CACNB2: variants seen among roughly 807,000 people sequenced by gnomAD.
The protein encoded by CACNB2 is calcium voltage-gated channel auxiliary subunit beta 2, also known as voltage-dependent L-type calcium channel subunit beta-2.
CACNB2 carries 42 observed loss-of-function variants against 73.3 expected under a neutral mutation model. The ratio of observed to expected loss-of-function variants is 0.57; its 90% confidence interval spans 0.45 to 0.74. The LOEUF is 0.74. Ranked by LOEUF, CACNB2 falls within the 30% of genes least tolerant of loss-of-function variation. CACNB2 has a pLI of 0.00. For synonymous variants in CACNB2, 348 were observed against 310.3 expected, an observed-to-expected ratio of 1.12 and a Z score of -1.28; for missense variants, 940 against 853.0, an observed-to-expected ratio of 1.10 and a Z score of -1.27.
At chr10:18,215,599 A>C (rs1364928117) in intron 2 of CACNB2, among the ~76,000 whole-genome samples, 2 of 152,196 alleles carry the variant, frequency 1.3e-5, no homozygotes, top group Admixed American at 1.3e-4. Context: ...AAAACTCGCC[A>C]AACTCTTTTA....
chr10:18,388,893 C>T lies in CACNB2; in HGVS notation c.214-13031C>T, dbSNP rs538624046. Reference sequence around the variant, plus strand: ...TTTTTCATGTGCATAAAGAGGCTTTCAGGAGACCTGGTCCTTGCCTCCCTT... The same window carrying T: ...TTTTTCATGTGCATAAAGAGGCTTTTAGGAGACCTGGTCCTTGCCTCCCTT... On this transcript the variant is annotated intron_variant, in intron 2 of 13. Transcript: ENST00000324631. Among the ~76,000 whole-genome samples the T allele has an allele frequency of 6.6e-5, 10 of 152,280 alleles. No homozygotes were observed. In the South Asian group the frequency reaches 8.3e-4, roughly 13 times the overall value.
intron 2 of CACNB2, among the ~76,000 whole-genome samples, chr10:18,166,705 G>A (rs2032878470): frequency 1.3e-5 from 2 of 152,136 alleles, no homozygotes. Flanking sequence ...CTCTAGAATG[G>A]AGACAGGAGA....
intron 2 of CACNB2, among the ~76,000 whole-genome samples, chr10:18,195,796 A>G (rs987768021): frequency 6.6e-6 from 1 of 152,212 alleles, no homozygotes; most frequent in Admixed American, 6.5e-5. Context: ...CAGAAGAAGA[A>G]AAAAAGCAGT....
At chr10:18,438,881 T>G (rs1161228676) in intron 3 of CACNB2, among the ~76,000 whole-genome samples, 1 of 152,222 alleles carries the variant, frequency 6.6e-6, no homozygotes, top group African/African-American at 2.4e-5. Flanking sequence ...CCCATGTGAG[T>G]GTGCTATAAA....
chr10:18,392,014 A>G (rs569313822), intron 2 of CACNB2, among the ~76,000 whole-genome samples: 7 of 152,216 alleles, frequency 4.6e-5, no homozygotes, highest in Admixed American at 3.9e-4. Flanking sequence ...GCTGCAATCA[A>G]TGGGGGTTAC....
At chr10:18,243,086 A>G (rs2036727371) in intron 2 of CACNB2, among the ~76,000 whole-genome samples, 1 of 152,068 alleles carries the variant, frequency 6.6e-6, no homozygotes, top group Non-Finnish European at 1.5e-5. Flanking sequence ...TTTATTTGAT[A>G]CTTTCTAAGT....
intron 6 of CACNB2, among the ~76,000 whole-genome samples, chr10:18,510,475 G>C (rs1281670458): frequency 1.3e-5 from 2 of 152,054 alleles, no homozygotes; most frequent in East Asian, 1.9e-4. Context: ...GCTAATCTTT[G>C]TATTGTTAGT....
intron 3 of CACNB2, among the ~76,000 whole-genome samples, chr10:18,481,218 A>T (rs1564599611): frequency 3.2e-4 from 4 of 12,500 alleles, no homozygotes; most frequent in African/African-American, 3.2e-4. Flanking sequence ...ATATATATAT[A>T]TATATATATA....
intron 5 of CACNB2, among the ~76,000 whole-genome samples, chr10:18,505,969 CA>C (rs1262721023): frequency 6.6e-6 from 1 of 152,098 alleles, no homozygotes; most frequent in African/African-American, 2.4e-5. Flanking sequence ...TAGTGGTTGG[CA>C]AGTTTTCATA....
chr10:18,491,414 T>C (rs1294575551), intron 3 of CACNB2, among the ~76,000 whole-genome samples: 3 of 152,112 alleles, frequency 2.0e-5, no homozygotes, highest in Non-Finnish European at 4.4e-5. Flanking sequence ...CGAGACCTCA[T>C]CTCTTCAAAA....
intron 3 of CACNB2, among the ~76,000 whole-genome samples, chr10:18,441,772 C>G (rs1314453638): frequency 6.6e-6 from 1 of 152,002 alleles, no homozygotes; most frequent in African/African-American, 2.4e-5. Context: ...GTAGCTGGGA[C>G]TATAGGCATG....
intron 2 of CACNB2, among the ~76,000 whole-genome samples, chr10:18,363,415 A>G (rs902227805): frequency 1.3e-5 from 2 of 152,166 alleles, no homozygotes; most frequent in East Asian, 1.9e-4. Context: ...CTGTCGCCCC[A>G]TGGGGCCTTC....
At chr10:18,503,003 G>T (rs941899929) in intron 5 of CACNB2, among the ~76,000 whole-genome samples, 1 of 151,978 alleles carries the variant, frequency 6.6e-6, no homozygotes, top group Admixed American at 6.6e-5. Context: ...AACCCTCTTA[G>T]GATTAAAATA....
chr10:18,145,894 T>A (rs527288423), intron 1 of CACNB2, among the ~76,000 whole-genome samples: 1 of 152,298 alleles, frequency 6.6e-6, no homozygotes, highest in East Asian at 1.9e-4. Context: ...TGTTCCTGGC[T>A]TTCTGCTCTC....
rs2039670483 is a variant in CACNB2, at chr10:18,304,934, T to C, written c.214-96990T>C. On this transcript the variant is annotated intron_variant, in intron 2 of 13. Coordinates refer to ENST00000324631, the MANE Select transcript of CACNB2 (RefSeq NM_201596.3). ...CTGCAGAAAGATGTGTGCATTATTC[T>C]TGGAATAAGATGTAATGGAAATTGA... is the stretch of plus-strand genomic sequence containing the variant. 2.6e-5 allele frequency among the ~76,000 whole-genome samples: 4 copies of C among 152,226 alleles called. 1 individual carries two copies. In the South Asian group the frequency reaches 8.3e-4, roughly 31 times the overall value.
chr10:18,512,050 T>G (rs918303567), intron 6 of CACNB2, among the ~76,000 whole-genome samples: 1 of 152,228 alleles, frequency 6.6e-6, no homozygotes, highest in Non-Finnish European at 1.5e-5. Context: ...TTCAATTGCA[T>G]GTGGAAGGAT....
chr10:18,254,023 A>G (rs1187071022), intron 2 of CACNB2, among the ~76,000 whole-genome samples: 1 of 152,070 alleles, frequency 6.6e-6, no homozygotes, highest in East Asian at 1.9e-4. Context: ...AGAGTCAGGA[A>G]CTCTGTACGT....
intron 2 of CACNB2, among the ~76,000 whole-genome samples, chr10:18,320,371 G>T (rs2040355921): frequency 6.6e-6 from 1 of 152,166 alleles, no homozygotes; most frequent in Non-Finnish European, 1.5e-5. Flanking sequence ...CTATGACATA[G>T]TTAAGTACGA....
intron 10 of CACNB2, among the ~76,000 whole-genome samples, chr10:18,532,676 C>CAAAAAAAAAAAA (rs1219587375): frequency 1.3e-3 from 116 of 92,494 alleles, no homozygotes; most frequent in East Asian, 2.1e-3. Context: ...GACTCTGTCT[C>CAAAAAAAAAAAA]AAAAAAAAAA....
Sources: gnomAD v4.1 joint callset for allele counts (sites outside exome capture counted in the v4.1 genomes callset) on GRCh38, gnomAD v4.1.1 for gene constraint, MANE v1.5 for transcripts, NCBI Gene and HGNC (gene_info 2026-07-23, HGNC 2026-07-21) for gene names.